ANO3: variants seen among roughly 807,000 people sequenced by gnomAD.
ANO3 encodes the protein anoctamin-3.
Under a neutral mutation model 144.8 loss-of-function variants are expected in ANO3, and 99 were observed. The ratio of observed to expected loss-of-function variants is 0.68; its 90% confidence interval spans 0.58 to 0.81. The LOEUF is 0.81. Ranked by LOEUF, ANO3 falls within the 30% of genes least tolerant of loss-of-function variation. The pLI is 0.00. For missense variants in ANO3, 905 were observed against 1,202.2 expected (o/e 0.75, Z 3.66); for synonymous variants, 414 against 392.6 (o/e 1.05, Z -0.64).
chr11:26,498,528 T>C (rs994640533), intron 4 of ANO3, among the ~76,000 whole-genome samples: 1 of 150,148 alleles, frequency 6.7e-6, no homozygotes, highest in Non-Finnish European at 1.5e-5. Flanking sequence ...TCAATGATAG[T>C]CAATAATTAT....
At chr11:26,235,884 C>A (rs1408767813) in intron 1 of ANO3, among the ~76,000 whole-genome samples, 1 of 152,050 alleles carries the variant, frequency 6.6e-6, no homozygotes, top group Non-Finnish European at 1.5e-5. Context: ...CACTCCTCTC[C>A]CTCCATTCTA....
At chr11:26,538,576 A>G (rs1030493811) in intron 10 of ANO3, among the ~76,000 whole-genome samples, 3 of 152,188 alleles carry the variant, frequency 2.0e-5, no homozygotes, top group Admixed American at 6.5e-5. Flanking sequence ...CTTAAGGCCC[A>G]AGGAGAACCT....
intron 4 of ANO3, among the ~76,000 whole-genome samples, chr11:26,501,538 G>A (rs546138123): frequency 2.0e-5 from 3 of 151,824 alleles, no homozygotes; most frequent in African/African-American, 4.8e-5. Context: ...ATGTTACAGA[G>A]CATGGCAAAA....
At chr11:26,245,019 G>GTGTGTGCGCGCA (rs1305638071) in intron 1 of ANO3, among the ~76,000 whole-genome samples, 1 of 73,412 alleles carries the variant, frequency 1.4e-5, no homozygotes, top group Admixed American at 1.3e-4. Context: ...GTGTGTGTGT[G>GTGTGTGCGCGCA]TGCATGCATG....
At chr11:26,586,354 C>CTT (rs143903766) in intron 14 of ANO3, among the ~76,000 whole-genome samples, 20 of 125,666 alleles carry the variant, frequency 1.6e-4, no homozygotes, top group African/African-American at 5.4e-4. Flanking sequence ...CTCCTGTATT[C>CTT]TTTTTTTTTT....
At chr11:26,354,708 T>G (rs893473563) in intron 1 of ANO3, among the ~76,000 whole-genome samples, 9 of 152,152 alleles carry the variant, frequency 5.9e-5, no homozygotes, top group African/African-American at 2.2e-4. Context: ...TATTTGAAAT[T>G]TAACTTTTCA....
At chr11:26,357,040 G>A (rs577904438) in intron 1 of ANO3, among the ~76,000 whole-genome samples, 1 of 152,286 alleles carries the variant, frequency 6.6e-6, no homozygotes, top group Admixed American at 6.5e-5. Context: ...GCTATATAAG[G>A]TTAATTCACA....
At chr11:26,510,976 T>C (rs1381488585) in intron 5 of ANO3, among the ~76,000 whole-genome samples, 1 of 152,194 alleles carries the variant, frequency 6.6e-6, no homozygotes, top group East Asian at 1.9e-4. Context: ...ACAGTGTCCA[T>C]TTGTCTACTC....
chr11:26,371,654 G>A (rs1856260963), intron 1 of ANO3, among the ~76,000 whole-genome samples: 1 of 152,250 alleles, frequency 6.6e-6, no homozygotes, highest in South Asian at 2.1e-4. Context: ...AAGACTGTGG[G>A]AGCCCACCTC....
chr11:26,233,153 C>T (rs188669380), intron 1 of ANO3, among the ~76,000 whole-genome samples: 2,269 of 150,456 alleles, frequency 0.015, 47 homozygotes, highest in East Asian at 0.12. Context: ...GGAGGCAGAG[C>T]TTGCAGTGAG....
chr11:26,228,631 G>GGTTTGA (rs1038806012), intron 1 of ANO3, among the ~76,000 whole-genome samples: 6 of 152,226 alleles, frequency 3.9e-5, no homozygotes, highest in Admixed American at 3.3e-4. Context: ...TGGCCCCAAA[G>GGTTTGA]TTAGCACCAC....
In ANO3 at chr11:26,598,852, T is replaced by C. The variant is rs1417669242; in HGVS notation, c.1531-6T>C. ...GATATTTAGATAACTTTCGTTTCTCTCATAGGAAACACTTCGTCCCCAGTT... is the reference window on the plus strand; with the variant it reads ...GATATTTAGATAACTTTCGTTTCTCCCATAGGAAACACTTCGTCCCCAGTT... On this transcript the variant is annotated splice_region_variant and splice_polypyrimidine_tract_variant and intron_variant, in intron 15 of 26. Transcript: ENST00000256737. The C allele has an allele frequency of 6.2e-7, 1 of 1,611,122 alleles. No individual in the cohort carries two copies.
In ANO3 at chr11:26,355,579, G is replaced by A. The variant is rs555899883; in HGVS notation, c.46+23258G>A. ...CTTTCTTTCTTTCTTTTTTTTTTGA[G>A]ATGAAGTTTCACTCTCTTTGCCCAG... On this transcript the variant is annotated intron_variant, in intron 1 of 26. Coordinates refer to ENST00000256737, the MANE Select transcript of ANO3 (RefSeq NM_031418.4). Among the ~76,000 whole-genome samples the A allele has an allele frequency of 4.2e-5, 6 of 142,656 alleles. No individual in the cohort carries two copies. The South Asian group carries it at 1.3e-3, about 32-fold the overall frequency. The allele number at this position is 142,656 out of a possible 152,430, so 93.6% of individuals were successfully genotyped here. A position where few individuals can be genotyped will look rare whatever the true frequency, so the allele number is the denominator to read the frequency against.
intron 10 of ANO3, among the ~76,000 whole-genome samples, chr11:26,540,307 T>C (rs419996): frequency 0.71 from 108,118 of 152,006 alleles, 38,754 homozygotes; most frequent in East Asian, 0.84. Flanking sequence ...TAATCCATCA[T>C]ATAAACAGAA....
chr11:26,214,443 G>A (rs1049102319), intron 1 of ANO3, among the ~76,000 whole-genome samples: 7 of 151,750 alleles, frequency 4.6e-5, no homozygotes, highest in Non-Finnish European at 8.8e-5. Context: ...AACAACAATC[G>A]CAATATAGAT....
intron 1 of ANO3, among the ~76,000 whole-genome samples, chr11:26,296,553 C>T (rs1204674459): frequency 6.6e-6 from 1 of 152,082 alleles, no homozygotes; most frequent in African/African-American, 2.4e-5. Context: ...TTAGTTTTAC[C>T]ATGAGACTTG....
intron 18 of ANO3, among the ~76,000 whole-genome samples, chr11:26,624,848 G>A (rs940573524): frequency 5.3e-5 from 8 of 151,734 alleles, no homozygotes; most frequent in Non-Finnish European, 1.0e-4. Context: ...AATATTAAGA[G>A]ATTTACAATG....
chr11:26,572,937 A>C (rs540639599), intron 14 of ANO3, among the ~76,000 whole-genome samples: 57 of 152,292 alleles, frequency 3.7e-4, no homozygotes, highest in Admixed American at 7.2e-4. Flanking sequence ...GGAGAATTTC[A>C]GAAGTGCCCA....
upstream of ANO3, among the ~76,000 whole-genome samples, chr11:26,331,206 A>G (rs1855030214): frequency 6.6e-6 from 1 of 152,172 alleles, no homozygotes; most frequent in African/African-American, 2.4e-5. Flanking sequence ...AGCATTAGGA[A>G]CAATAGCTAA....
Sources: gnomAD v4.1 joint callset for allele counts (sites outside exome capture counted in the v4.1 genomes callset) on GRCh38, gnomAD v4.1.1 for gene constraint, MANE v1.5 for transcripts, NCBI Gene and HGNC (gene_info 2026-07-23, HGNC 2026-07-21) for gene names.